THSD7B: variants seen among roughly 807,000 people sequenced by gnomAD.
THSD7B encodes thrombospondin type 1 domain containing 7B.
Under a neutral mutation model 213.6 loss-of-function variants are expected in THSD7B, and 138 were observed. That is an observed-to-expected ratio of 0.65 (90% CI 0.56 to 0.74). THSD7B has a LOEUF of 0.74. Ranked by LOEUF, THSD7B falls within the 30% of genes least tolerant of loss-of-function variation. The pLI, the probability that THSD7B is intolerant of heterozygous loss-of-function variation, is 0.00. For missense variants in THSD7B, 1,931 were observed against 1,991.5 expected, an observed-to-expected ratio of 0.97 and a Z score of 0.58; for synonymous variants, 742 against 687.0, an observed-to-expected ratio of 1.08 and a Z score of -1.25.
At chr2:136,986,035 A>G (rs1045105533) in intron 2 of THSD7B, among the ~76,000 whole-genome samples, 2 of 152,208 alleles carry the variant, frequency 1.3e-5, no homozygotes, top group East Asian at 3.8e-4. Flanking sequence ...TTTTGAAATG[A>G]AAATGGATAC....
chr2:137,498,040 C>T (rs999326441), intron 15 of THSD7B, among the ~76,000 whole-genome samples: 1 of 152,174 alleles, frequency 6.6e-6, no homozygotes, highest in Non-Finnish European at 1.5e-5. Flanking sequence ...AGCACGCTGG[C>T]TCTACCACCA....
At chr2:136,766,137 T>C (rs938532606) in intron 1 of THSD7B, among the ~76,000 whole-genome samples, 4 of 152,238 alleles carry the variant, frequency 2.6e-5, no homozygotes, top group Admixed American at 2.0e-4. Flanking sequence ...GGAGTTGTTC[T>C]GCAGGCTTTG....
At chr2:137,144,057 A>G (rs761184146) in intron 5 of THSD7B, among the ~76,000 whole-genome samples, 13 of 152,084 alleles carry the variant, frequency 8.5e-5, no homozygotes, top group Non-Finnish European at 1.9e-4. Flanking sequence ...AAGATTGCAC[A>G]TGGGTAGGGC....
chr2:137,639,189 C>G (rs980996732), intron 20 of THSD7B, among the ~76,000 whole-genome samples: 2 of 152,090 alleles, frequency 1.3e-5, no homozygotes, highest in Non-Finnish European at 2.9e-5. Context: ...TTTTGTGGGC[C>G]TCGGGACTTG....
intron 15 of THSD7B, among the ~76,000 whole-genome samples, chr2:137,510,238 C>G (rs192247309): frequency 6.6e-6 from 1 of 151,450 alleles, no homozygotes; most frequent in Non-Finnish European, 1.5e-5. Flanking sequence ...GCCATTTTAC[C>G]CCCCTAGTTA....
intron 14 of THSD7B, among the ~76,000 whole-genome samples, chr2:137,444,356 G>A (rs1687483063): frequency 6.6e-6 from 1 of 151,964 alleles, no homozygotes; most frequent in Non-Finnish European, 1.5e-5. Flanking sequence ...CAATGGCAAA[G>A]TATTGATCTA....
At position 137,094,944 on chromosome 2, in the gene THSD7B, A is replaced by C. The variant is rs775058952; in HGVS notation, c.1022A>C (p.Gln341Pro). The C allele has an allele frequency of 2.5e-6, 4 of 1,613,668 alleles. No individual in the cohort carries two copies. The highest frequency in any genetic ancestry group is 2.7e-5 in the African/African-American group (2 of 74,878). ...CIMPKDCETS[Q>P]WSSWSPCSKT... is the part of the protein sequence containing the mutation. ...ATGCCCAAAGACTGTGAAACCTCCC[A>C]GTGGTCCTCCTGGAGCCCCTGCTCC... Residue 341 changes from glutamine to proline, a missense_variant, in exon 4 of 28, where the codon CAG becomes CCG. Gln to Pro is a moderately conservative substitution (Grantham distance 76, BLOSUM62 -1). Transcript: ENST00000409968.
chr2:137,674,160 C>T (rs1683643777), intron 27 of THSD7B, among the ~76,000 whole-genome samples: 1 of 152,206 alleles, frequency 6.6e-6, no homozygotes, highest in African/African-American at 2.4e-5. Flanking sequence ...CCTGGCTTTG[C>T]ATTCTCAACT....
At chr2:137,253,580 T>TC (rs1682235951) in intron 10 of THSD7B, among the ~76,000 whole-genome samples, 1 of 152,178 alleles carries the variant, frequency 6.6e-6, no homozygotes, top group Admixed American at 6.5e-5. Context: ...TCTGTAGAAT[T>TC]CTCTGCAGAC....
rs1341672376 is a variant in THSD7B at position 137,405,795 on chromosome 2, C to T, written c.2683C>T (p.Arg895Ter). Residue 895 changes from arginine (R) to a stop codon, truncating the protein, a stop_gained, in exon 13 of 28, where the codon CGA (arginine) becomes TGA (stop). Coordinates refer to ENST00000409968, the MANE Select transcript of THSD7B (RefSeq NM_001316349.2). LOFTEE classifies it high-confidence loss of function. ...CTGTGAAGCCACAAAAAGTAGGCGGCGACAGCTCACAGGTATAGTGTGCAT... is the reference window on the plus strand; with the variant it reads ...CTGTGAAGCCACAAAAAGTAGGCGGTGACAGCTCACAGGTATAGTGTGCAT... ...TNCEATKSRRRQLTGKSRKKE... is the reference protein window; with the variant it reads ...TNCEATKSRR The T allele has an allele frequency of 3.7e-6, 6 of 1,611,034 alleles. No individual in the cohort carries two copies. The highest frequency in any genetic ancestry group is 3.4e-5 in the Admixed American group (2 of 59,488).
intron 2 of THSD7B, among the ~76,000 whole-genome samples, chr2:137,039,218 A>G (rs1462658947): frequency 6.6e-6 from 1 of 152,264 alleles, no homozygotes. Context: ...CACTGTCCTG[A>G]ATCTTCCCCT....
At chr2:137,114,311 A>G (rs1261148448) in intron 4 of THSD7B, among the ~76,000 whole-genome samples, 1 of 152,222 alleles carries the variant, frequency 6.6e-6, no homozygotes, top group Non-Finnish European at 1.5e-5. Flanking sequence ...CTTAAAGAAT[A>G]CGGTAATAAT....
chr2:137,513,292 G>A (rs992476057), intron 15 of THSD7B, among the ~76,000 whole-genome samples: 10 of 152,138 alleles, frequency 6.6e-5, no homozygotes, highest in East Asian at 1.9e-4. Context: ...GTTTTACTGC[G>A]ACACATATCT....
At chr2:137,054,837 A>G (rs1687130949) in intron 2 of THSD7B, among the ~76,000 whole-genome samples, 2 of 151,862 alleles carry the variant, frequency 1.3e-5, no homozygotes, top group Non-Finnish European at 1.5e-5. Flanking sequence ...ATAGGTATAC[A>G]TGTGCCATGG....
intron 1 of THSD7B, among the ~76,000 whole-genome samples, chr2:136,826,981 C>T (rs1445259951): frequency 6.6e-6 from 1 of 152,124 alleles, no homozygotes; most frequent in African/African-American, 2.4e-5. Flanking sequence ...CTTCTCTTAC[C>T]TAACAGTACA....
chr2:137,385,814 T>A (rs72977650), intron 12 of THSD7B, among the ~76,000 whole-genome samples: 2 of 152,126 alleles, frequency 1.3e-5, no homozygotes, highest in African/African-American at 4.8e-5. Context: ...TAATGAAATC[T>A]TGGTTTCAAA....
At chr2:137,659,334 C>T (rs769808661) in intron 24 of THSD7B, among the ~76,000 whole-genome samples, 3 of 152,080 alleles carry the variant, frequency 2.0e-5, no homozygotes, top group African/African-American at 7.2e-5. Context: ...GTTTTCTGCT[C>T]CTGAGTTTAA....
chr2:137,527,821 C>T (rs1199921870), intron 15 of THSD7B, among the ~76,000 whole-genome samples: 1 of 152,098 alleles, frequency 6.6e-6, no homozygotes, highest in African/African-American at 2.4e-5. Flanking sequence ...ATTAGGACAG[C>T]ACTCTGGAGC....
Position 136,954,735 on chromosome 2 carries a change from GAAATT to G in THSD7B, c.139+72420_139+72424del, listed in dbSNP as rs200884724. 1.9e-4 allele frequency among the ~76,000 whole-genome samples: 20 copies of G among 103,922 alleles called. 1 individual carries two copies. Among genetic ancestry groups the G allele is most frequent in the African/African-American group, 6.7e-4 (18 of 27,014 alleles). 68.2% of individuals were successfully genotyped at this position (103,922 alleles called of 152,430 possible). A position where few individuals can be genotyped will look rare whatever the true frequency, so the allele number is the denominator to read the frequency against. On this transcript the variant is annotated intron_variant, in intron 2 of 27. Transcript: ENST00000409968. Reference sequence around the variant, plus strand: ...GTCTCAAAAAAAAAAAAAAAAAAAAGAAATTACATAAGAGCTTTTATACTGTTTAT... The same window carrying G: ...GTCTCAAAAAAAAAAAAAAAAAAAAGACATAAGAGCTTTTATACTGTTTAT...
Sources: gnomAD v4.1 joint callset for allele counts (sites outside exome capture counted in the v4.1 genomes callset) on GRCh38, gnomAD v4.1.1 for gene constraint, MANE v1.5 for transcripts, NCBI Gene and HGNC (gene_info 2026-07-23, HGNC 2026-07-21) for gene names.